The following DDX10 variants were observed in gnomAD, a reference collection of about 807,000 sequenced individuals.
DDX10 encodes probable ATP-dependent RNA helicase DDX10.
DDX10 carries 74 observed loss-of-function variants against 104.3 expected under a neutral mutation model. The ratio of observed to expected loss-of-function variants is 0.71; its 90% CI spans 0.59 to 0.86. The LOEUF (loss-of-function observed/expected upper bound fraction) is 0.86, where lower values mean the gene tolerates loss of function less well. Ranked by LOEUF, DDX10 falls within the 40% of genes least tolerant of loss-of-function variation. The probability of loss-of-function intolerance (pLI) is 0.00; values close to 1 mark genes in which losing one functional copy is unlikely to be tolerated. For synonymous variants in DDX10, 351 were observed against 353.4 expected, an observed-to-expected ratio of 0.99 and a Z score of 0.08; for missense variants, 952 against 1,040.0, an observed-to-expected ratio of 0.92 and a Z score of 1.16.
chr11:108,736,667 T>A (rs2134490576), intron 13 of DDX10, among the ~76,000 whole-genome samples: 1 of 152,268 alleles, frequency 6.6e-6, no homozygotes, highest in East Asian at 1.9e-4. Context: ...TCCAGCTTGC[T>A]CTTCTGCCAT....
intron 13 of DDX10, among the ~76,000 whole-genome samples, chr11:108,825,152 A>G (rs1247323165): frequency 1.3e-5 from 2 of 152,212 alleles, no homozygotes; most frequent in African/African-American, 4.8e-5. Flanking sequence ...CCAAAATGCT[A>G]TAAAGAGGTG....
At chr11:108,868,761 A>G (rs759634029) in intron 16 of DDX10, among the ~76,000 whole-genome samples, 2 of 152,048 alleles carry the variant, frequency 1.3e-5, no homozygotes, top group South Asian at 2.1e-4. Flanking sequence ...TAACATAACT[A>G]TGTCTTTGTG....
intron 13 of DDX10, among the ~76,000 whole-genome samples, chr11:108,778,872 C>G (rs2094373891): frequency 6.6e-6 from 1 of 152,158 alleles, no homozygotes; most frequent in African/African-American, 2.4e-5. Flanking sequence ...AAAAAATGGG[C>G]AAAGGATATG....
rs569648378 is a variant in DDX10, at chr11:108,722,584, T to G, written c.1500-413T>G. On this transcript the variant is annotated intron_variant, in intron 12 of 17. Coordinates refer to ENST00000322536, the MANE Select transcript of DDX10 (RefSeq NM_004398.4). Reference sequence around the variant, plus strand: ...CTGGTTTATTTAGTACTTAACATTTTATGAGGTACTCTCATGTAGTTAGTT... The same window carrying G: ...CTGGTTTATTTAGTACTTAACATTTGATGAGGTACTCTCATGTAGTTAGTT... 4.6e-5 allele frequency among the ~76,000 whole-genome samples: 7 copies of G among 152,334 alleles called. No homozygotes were observed. The East Asian group carries it at 1.4e-3, about 29-fold the overall frequency.
intron 13 of DDX10, among the ~76,000 whole-genome samples, chr11:108,775,860 A>G (rs1591815193): frequency 1.3e-5 from 2 of 152,174 alleles, no homozygotes; most frequent in Middle Eastern, 3.2e-3. Flanking sequence ...TTCATTTACC[A>G]TGGCTTAGCT....
chr11:108,766,960 C>A (rs764002237), intron 13 of DDX10, among the ~76,000 whole-genome samples: 1 of 152,074 alleles, frequency 6.6e-6, no homozygotes, highest in African/African-American at 2.4e-5. Flanking sequence ...TTTTGAGAAC[C>A]CTTTTATTAC....
chr11:108,919,442 C>G (rs1863795078), intron 17 of DDX10: 1 of 152,192 alleles, frequency 6.6e-6, no homozygotes. Context: ...GGTGTATGGT[C>G]TGAGACCTAG....
chr11:108,914,492 A>G (rs1269309943), intron 16 of DDX10, among the ~76,000 whole-genome samples: 1 of 152,200 alleles, frequency 6.6e-6, no homozygotes, highest in Non-Finnish European at 1.5e-5. Flanking sequence ...CAAAACAGAT[A>G]TAAGCAGCTC....
chr11:108,852,944 G>A (rs1036650771), intron 16 of DDX10, among the ~76,000 whole-genome samples: 3 of 152,152 alleles, frequency 2.0e-5, no homozygotes, highest in African/African-American at 7.2e-5. Context: ...AGTTAGCAAA[G>A]CTCCAACTCC....
chr11:108,700,859 T>G (rs990568737), intron 9 of DDX10, among the ~76,000 whole-genome samples: 3 of 152,090 alleles, frequency 2.0e-5, no homozygotes, highest in African/African-American at 7.2e-5. Flanking sequence ...TGTGTTACAA[T>G]TTACCTTTTT....
intron 17 of DDX10, among the ~76,000 whole-genome samples, chr11:108,930,689 T>C (rs1028140466): frequency 9.2e-5 from 14 of 152,226 alleles, no homozygotes; most frequent in African/African-American, 3.4e-4. Context: ...TTTAACCATT[T>C]CATAATAATT....
Position 108,794,818 on chromosome 11 carries a change from T to C in DDX10, c.1966-43628T>C, listed in dbSNP as rs563260034. Among the ~76,000 whole-genome samples the C allele has an allele frequency of 1.0e-3, 155 of 151,946 alleles. 1 individual carries two copies. Among genetic ancestry groups the C allele is most frequent in the African/African-American group, 1.2e-3 (50 of 41,466 alleles). On this transcript the variant is annotated intron_variant, in intron 13 of 17. Transcript: ENST00000322536. ...GCGAAACCTGTTCCCCTATAGTTTT[T>C]TCTCTCTCTCTCTCTTTTTTTTTTT...
At chr11:108,936,695 C>G (rs1036585232) in intron 17 of DDX10, among the ~76,000 whole-genome samples, 2 of 152,074 alleles carry the variant, frequency 1.3e-5, no homozygotes, top group African/African-American at 4.8e-5. Context: ...ATTTTATAAC[C>G]TATTTAATCC....
intron 13 of DDX10, among the ~76,000 whole-genome samples, chr11:108,812,979 T>TA (rs60528070): frequency 5.0e-4 from 33 of 66,476 alleles, no homozygotes; most frequent in South Asian, 8.8e-4. Flanking sequence ...GACTCCATCT[T>TA]AAAAAAAAAA....
At chr11:108,757,896 T>C (rs2094346381) in intron 13 of DDX10, among the ~76,000 whole-genome samples, 1 of 152,050 alleles carries the variant, frequency 6.6e-6, no homozygotes, top group Non-Finnish European at 1.5e-5. Flanking sequence ...GTTTTATCAG[T>C]ACCTTTAATG....
intron 15 of DDX10, among the ~76,000 whole-genome samples, chr11:108,841,920 G>T (rs905647883): frequency 1.3e-5 from 2 of 152,098 alleles, no homozygotes; most frequent in Non-Finnish European, 1.5e-5. Flanking sequence ...CAAGTTGTGT[G>T]CATCAGTGCT....
chr11:108,685,052 G>GT (rs1160510454), intron 6 of DDX10, among the ~76,000 whole-genome samples: 28 of 141,772 alleles, frequency 2.0e-4, no homozygotes, highest in Admixed American at 5.7e-4. Context: ...GGGGTTGTTT[G>GT]TTTTTTTCTT....
intron 13 of DDX10, among the ~76,000 whole-genome samples, chr11:108,786,096 C>G (rs1196953957): frequency 1.3e-5 from 2 of 152,090 alleles, no homozygotes; most frequent in East Asian, 3.9e-4. Context: ...TTTCATTGTT[C>G]ATATAATGAA....
rs1862387178 is a variant in DDX10, at chr11:108,825,741, G to T, written c.1966-12705G>T. Among the ~76,000 whole-genome samples, 3 of 152,064 alleles carry T rather than the reference G, an allele frequency of 2.0e-5. No homozygotes were observed. In the South Asian group the frequency reaches 6.2e-4, roughly 32 times the overall value. On this transcript the variant is annotated intron_variant, in intron 13 of 17. Transcript: ENST00000322536. ...CCATTTTCATCACATTATAGATTAG[G>T]ATTACAATTTATAAACTACAAGGAA...
Sources: allele counts gnomAD v4.1 joint callset (sites outside exome capture counted in the v4.1 genomes callset), GRCh38; gene constraint gnomAD v4.1.1; transcripts MANE v1.5; gene names NCBI Gene and HGNC (gene_info 2026-07-23, HGNC 2026-07-21).